Variants in TET2 observed in about 807,000 individuals in gnomAD.
TET2 encodes tet methylcytosine dioxygenase 2.
A neutral mutation model predicts 142.9 loss-of-function variants in TET2; 299 were observed. The observed-to-expected ratio is 2.09, with a 90% CI of 1.90 to 2.30. The LOEUF is 2.30. Ranked by LOEUF, TET2 falls within the 30% of genes most tolerant of loss-of-function variation. The pLI is 0.00. For missense variants in TET2, 2,418 were observed against 2,378.0 expected (o/e 1.02, Z -0.35); for synonymous variants, 819 against 849.0 (o/e 0.96, Z 0.61).
chr4:105,272,447 T>C, intron 9 of TET2, 117 bp from the exon 10 acceptor site: 1 of 669,960 alleles, frequency 1.5e-6, no homozygotes, highest in Non-Finnish European at 2.5e-6. Flanking sequence ...GTCACTGATC[T>C]GGATCAACTA....
At chr4:105,163,907 T>C (rs1403210652) in intron 1 of TET2, among the ~76,000 whole-genome samples, 2 of 151,120 alleles carry the variant, frequency 1.3e-5, no homozygotes, top group African/African-American at 2.4e-5. Context: ...TGTTGAGGTA[T>C]AATTGACAAG....
At position 105,234,313 on chromosome 4, in the gene TET2, A is replaced by T; in HGVS notation, c.371A>T (p.Asn124Ile). Reference protein sequence around the residue: ...QDQKANGERRNFGVSQERNPG... With the variant: ...QDQKANGERRIFGVSQERNPG... Reference sequence around the variant, plus strand: ...CAAAAGGCTAATGGAGAAAGACGTAACTTCGGGGTAAGCCAAGAAAGAAAT... The same window carrying T: ...CAAAAGGCTAATGGAGAAAGACGTATCTTCGGGGTAAGCCAAGAAAGAAAT... Residue 124 changes from asparagine (N) to isoleucine (I), a missense_variant, in exon 3 of 11, where the codon AAC becomes ATC. By Grantham distance (149) the Asn-to-Ile change is moderately radical (BLOSUM62 -3). Coordinates refer to ENST00000380013, the MANE Select transcript of TET2 (RefSeq NM_001127208.3). The T allele has an allele frequency of 6.2e-7, 1 of 1,614,148 alleles. No individual in the cohort carries two copies. Among genetic ancestry groups the T allele is most frequent in the Non-Finnish European group, 8.5e-7 (1 of 1,180,016 alleles).
intron 2 of TET2, among the ~76,000 whole-genome samples, chr4:105,221,844 C>T: frequency 6.6e-6 from 1 of 151,680 alleles, no homozygotes; most frequent in Non-Finnish European, 1.5e-5. Flanking sequence ...AGGTGTATCT[C>T]CCAATGCTAT....
At chr4:105,208,324 G>A (rs578081572) in intron 2 of TET2, among the ~76,000 whole-genome samples, 36 of 152,086 alleles carry the variant, frequency 2.4e-4, no homozygotes, top group Non-Finnish European at 5.0e-4. Flanking sequence ...TGGCTTCTCT[G>A]TTTTGGTGGG....
intron 6 of TET2, among the ~76,000 whole-genome samples, chr4:105,255,196 C>A (rs1173410010): frequency 6.6e-6 from 1 of 152,146 alleles, no homozygotes; most frequent in Admixed American, 6.5e-5. Flanking sequence ...TAGCTCCATC[C>A]AATAAAATAT....
Position 105,277,032 on chromosome 4 carries a change from AATCTT to A in TET2, c.*515_*519del, listed in dbSNP as rs772391703. On this transcript the variant is annotated 3_prime_UTR_variant, in exon 11 of 11. Transcript: ENST00000380013. The stretch of plus-strand genomic sequence containing the variant: ...CTTTTTGAAATGCAGTTTTTACTGT[AATCTT>A]AACTTTTATTTATCAAAATAGCTAC... 4.3e-6 allele frequency: 1 copy of A among 232,936 alleles called. No homozygotes were observed. Among genetic ancestry groups the A allele is most frequent in the Non-Finnish European group, 8.5e-6 (1 of 118,000 alleles). The allele number at this position is 232,936 out of a possible 1,614,324, so 14.4% of individuals were successfully genotyped here.
intron 2 of TET2, among the ~76,000 whole-genome samples, chr4:105,191,153 C>G (rs1213285057): frequency 6.6e-6 from 1 of 152,160 alleles, no homozygotes; most frequent in East Asian, 1.9e-4. Flanking sequence ...TCTTAAGGAG[C>G]TGGGATTACA....
chr4:105,166,875 A>G (rs575216842), intron 1 of TET2, among the ~76,000 whole-genome samples: 1 of 151,902 alleles, frequency 6.6e-6, no homozygotes, highest in African/African-American at 2.4e-5. Flanking sequence ...GTTTATTAGG[A>G]TCTTTATCTT....
At chr4:105,173,958 A>G (rs1393285943) in intron 1 of TET2, among the ~76,000 whole-genome samples, 6 of 152,212 alleles carry the variant, frequency 3.9e-5, no homozygotes, top group Non-Finnish European at 7.3e-5. Context: ...TGCAAAAATG[A>G]TGTATGTATT....
At chr4:105,254,354 T>C (rs551759053) in intron 6 of TET2, among the ~76,000 whole-genome samples, 67 of 152,312 alleles carry the variant, frequency 4.4e-4, no homozygotes, top group African/African-American at 1.4e-3. Flanking sequence ...CTTCAAGGAA[T>C]TGGTCCATTT....
chr4:105,260,796 C>T (rs896023003), intron 7 of TET2, among the ~76,000 whole-genome samples: 2 of 152,084 alleles, frequency 1.3e-5, no homozygotes, highest in East Asian at 3.9e-4. Context: ...CTTAAATGTG[C>T]GAGACATCAT....
chr4:105,277,114 A>G lies in TET2; in HGVS notation c.*595A>G, dbSNP rs1303943074. On this transcript the variant is annotated 3_prime_UTR_variant, in exon 11 of 11. Coordinates refer to ENST00000380013, the MANE Select transcript of TET2 (RefSeq NM_001127208.3). ...TGAATTTGTTTGGATGTTCTAAGAAATGGTGCTAAGAAAATGGTGTCTTTA... is the reference window on the plus strand; with the variant it reads ...TGAATTTGTTTGGATGTTCTAAGAAGTGGTGCTAAGAAAATGGTGTCTTTA... The G allele has an allele frequency of 1.3e-5, 3 of 231,320 alleles. No homozygotes were observed. The highest frequency in any genetic ancestry group is 2.6e-5 in the Non-Finnish European group (3 of 117,016). 14.3% of individuals were successfully genotyped at this position (231,320 alleles called of 1,614,324 possible).
Position 105,236,962 on chromosome 4 carries a change from C to T in TET2, c.3020C>T (p.Thr1007Ile). ...GAAAACAAAACATGGAAAAAGGTAA[C>T]TAAGCAAGAGAATCCACCTGCAAGC... ...PPENKTWKKV[T>I]KQENPPASCD... The change falls in exon 3 of 11, where the codon ACT (threonine) becomes ATT (isoleucine). Residue 1007 changes from threonine (T) to isoleucine (I), a missense_variant. By Grantham distance (89) the Thr-to-Ile change is moderately conservative. Transcript: ENST00000380013. The T allele has an allele frequency of 1.9e-6, 3 of 1,614,096 alleles. No homozygotes were observed. Among genetic ancestry groups the T allele is most frequent in the South Asian group, 1.1e-5 (1 of 91,082 alleles).
chr4:105,148,059 T>TACACAC (rs146633281), intron 1 of TET2, among the ~76,000 whole-genome samples: 24 of 147,830 alleles, frequency 1.6e-4, no homozygotes, highest in Admixed American at 4.1e-4. Flanking sequence ...CTCATACACA[T>TACACAC]ACACACACAC....
chr4:105,266,724 T>TG (rs1442487490), intron 8 of TET2, among the ~76,000 whole-genome samples: 1 of 151,816 alleles, frequency 6.6e-6, no homozygotes, highest in East Asian at 1.9e-4. Flanking sequence ...AAGAAAAAAC[T>TG]GAAAAAAATG....
intron 2 of TET2, among the ~76,000 whole-genome samples, chr4:105,229,551 T>C (rs1039494297): frequency 6.6e-6 from 1 of 151,992 alleles, no homozygotes; most frequent in Admixed American, 6.6e-5. Flanking sequence ...CCTCGTGATC[T>C]GCCTGCCTCA....
chr4:105,232,528 T>G (rs1017355013), intron 2 of TET2, among the ~76,000 whole-genome samples: 102 of 152,280 alleles, frequency 6.7e-4, no homozygotes, highest in African/African-American at 2.4e-3. Flanking sequence ...TTAATTCTTT[T>G]AGAGAGTCAA....
At chr4:105,245,995 T>C (rs1017153965) in intron 6 of TET2, among the ~76,000 whole-genome samples, 3 of 152,146 alleles carry the variant, frequency 2.0e-5, no homozygotes, top group Non-Finnish European at 4.4e-5. Context: ...TCTAATATTT[T>C]TCTCAGCTCA....
In TET2 at chr4:105,275,289, C is replaced by T. The variant is rs2110312677; in HGVS notation, c.4779C>T (p.Ser1593=). Residue 1593 remains serine, a synonymous_variant, in exon 11 of 11, where the codon AGC becomes AGT. Transcript: ENST00000380013. ...SHTSDIYGST[S]PMNFYSTSSQ... is the part of the protein sequence containing the mutation. ...CTTCAGATATCTATGGAAGCACCAG[C>T]CCTATGAACTTCTATTCCACCTCAT... 1 of 1,552,154 alleles carries T rather than the reference C, an allele frequency of 6.4e-7. No homozygotes were observed.
Sources: gnomAD v4.1 joint callset for allele counts (sites outside exome capture counted in the v4.1 genomes callset) on GRCh38, gnomAD v4.1.1 for gene constraint, MANE v1.5 for transcripts, NCBI Gene and HGNC (gene_info 2026-07-23, HGNC 2026-07-21) for gene names.